DNAH8: variants seen among roughly 807,000 people sequenced by gnomAD.
DNAH8 encodes the protein dynein axonemal heavy chain 8.
A neutral mutation model predicts 562.1 loss-of-function variants in DNAH8; 382 were observed. The observed-to-expected ratio is 0.68, with a 90% CI of 0.63 to 0.74. The LOEUF is 0.74. DNAH8 is among the 30% of genes least tolerant of loss of function. The probability of loss-of-function intolerance (pLI) is 0.00; values close to 1 mark genes in which losing one functional copy is unlikely to be tolerated. For missense variants in DNAH8, 5,203 were observed against 5,620.4 expected (o/e 0.93, Z 2.37); for synonymous variants, 1,881 against 1,919.4 (o/e 0.98, Z 0.52).
chr6:38,720,148 T>C (rs966487591), intron 1 of DNAH8, among the ~76,000 whole-genome samples: 1 of 152,128 alleles, frequency 6.6e-6, no homozygotes, highest in African/African-American at 2.4e-5. Context: ...AAAAGTGAGA[T>C]TGAAGTGGAC....
intron 24 of DNAH8, among the ~76,000 whole-genome samples, chr6:38,808,376 A>G (rs1374229155): frequency 1.3e-5 from 2 of 152,186 alleles, no homozygotes; most frequent in African/African-American, 2.4e-5. Context: ...TCTTGCCAAC[A>G]TACAGGGTGT....
At chr6:38,799,594 A>G (rs909917388) in intron 21 of DNAH8, among the ~76,000 whole-genome samples, 15 of 152,144 alleles carry the variant, frequency 9.9e-5, no homozygotes, top group African/African-American at 3.6e-4. Flanking sequence ...ATTATTTTTT[A>G]GCAGCCTTAT....
At chr6:38,850,615 C>T (rs1339323519) in intron 38 of DNAH8, among the ~76,000 whole-genome samples, 1 of 152,196 alleles carries the variant, frequency 6.6e-6, no homozygotes, top group East Asian at 1.9e-4. Context: ...TTAGTTTCGT[C>T]AGGCTGCTAT....
chr6:38,829,302 T>C lies in DNAH8; in HGVS notation c.4188+1014T>C, dbSNP rs142970201. 8.4e-3 allele frequency among the ~76,000 whole-genome samples: 1,286 copies of C among 152,304 alleles called. 21 individuals are homozygous for C. Among genetic ancestry groups the C allele is most frequent in the African/African-American group, 0.029 (1,196 of 41,572 alleles). On this transcript the variant is annotated intron_variant, in intron 30 of 92. Transcript: ENST00000327475. ...GTGGGTTATCTTTTCGCTTTATTGATGGTGTCTTTTGATGCACAAAGTTTT... is the reference window on the plus strand; with the variant it reads ...GTGGGTTATCTTTTCGCTTTATTGACGGTGTCTTTTGATGCACAAAGTTTT...
chr6:38,867,215 G>A (rs1362002307), intron 47 of DNAH8, among the ~76,000 whole-genome samples: 1 of 142,084 alleles, frequency 7.0e-6, no homozygotes, highest in African/African-American at 2.6e-5. Flanking sequence ...AGTTATACAT[G>A]CACTGGTGTG....
At chr6:38,808,460 T>C (rs898436897) in intron 24 of DNAH8, among the ~76,000 whole-genome samples, 3 of 152,226 alleles carry the variant, frequency 2.0e-5, no homozygotes, top group African/African-American at 7.2e-5. Flanking sequence ...TTTCTTGTGT[T>C]TATGGGCCAT....
intron 8 of DNAH8, 90 bp from the exon 9 acceptor site, chr6:38,750,386 A>G (rs1765333216): frequency 5.7e-6 from 4 of 697,886 alleles, no homozygotes; most frequent in African/African-American, 1.8e-5. Flanking sequence ...TAGTATATGT[A>G]TGATTAGGGA....
rs1778975004 is a variant in DNAH8 at position 38,886,981 on chromosome 6, A to G, written c.8450A>G (p.Asn2817Ser). 1.9e-6 allele frequency: 3 copies of G among 1,612,626 alleles called. No individual in the cohort carries two copies. The highest frequency in any genetic ancestry group is 1.1e-5 in the South Asian group (1 of 91,030). Residue 2817 changes from asparagine (N) to serine (S), a missense_variant, in exon 57 of 93, where the codon AAT becomes AGT. Coordinates refer to ENST00000327475, the MANE Select transcript of DNAH8 (RefSeq NM_001206927.2). ...GTGTTTAATTGTACATTGCCTTCAA[A>G]TGCTTCAATAGACAAAATTTTTGGT... ...FTVFNCTLPS[N>S]ASIDKIFGII...
In DNAH8 at chr6:38,853,217, T is replaced by G. The variant is rs201264105; in HGVS notation, c.5603T>G (p.Val1868Gly). Residue 1868 changes from valine (V) to glycine (G), a missense_variant, in exon 41 of 93, where the codon GTG (valine) becomes GGG (glycine). Val to Gly is a moderately radical substitution (Grantham distance 109). This residue lies in a region of DNAH8 where 2,176 missense variants were observed against 2,365.1 expected (regional missense o/e 0.92). Transcript: ENST00000327475. Reference sequence around the variant, plus strand: ...AATTCTGTTATGGCCAAAGGTCCTGTGGAGATTTGGCTACTGGATTTGTTA... The same window carrying G: ...AATTCTGTTATGGCCAAAGGTCCTGGGGAGATTTGGCTACTGGATTTGTTA... ...LDNSVMAKGP[V>G]EIWLLDLLKM... The G allele has an allele frequency of 2.3e-4, 374 of 1,611,794 alleles. No homozygotes were observed. The highest frequency in any genetic ancestry group is 3.1e-4 in the Non-Finnish European group (360 of 1,178,600).
intron 13 of DNAH8, 56 bp downstream of exon 13, chr6:38,776,007 A>G (rs1768027590): frequency 9.2e-7 from 1 of 1,085,370 alleles, no homozygotes. Context: ...CAGTAGTACT[A>G]TCTGGTACTT....
chr6:38,936,506 G>T (rs1433440207), intron 77 of DNAH8: 1 of 152,194 alleles, frequency 6.6e-6, no homozygotes, highest in African/African-American at 2.4e-5. Flanking sequence ...AGAAGTGAAT[G>T]AATACTTCAC....
Position 38,718,141 on chromosome 6 carries a change from T to G in DNAH8, c.-35+2726T>G, listed in dbSNP as rs147073899. Among the ~76,000 whole-genome samples, 388 of 152,316 alleles carry G rather than the reference T, an allele frequency of 2.5e-3. 5 individuals are homozygous for G. The East Asian group carries it at 0.029, about 11-fold the overall frequency. The stretch of plus-strand genomic sequence containing the variant: ...ACAGAACAATTAGTGGGCCCTTCAT[T>G]AAGGGACATCTTGGTTGTTTCCAAG... On this transcript the variant is annotated intron_variant, in intron 1 of 92. Transcript: ENST00000327475.
chr6:38,999,417 G>A (rs1161763162), intron 88 of DNAH8, among the ~76,000 whole-genome samples: 1 of 150,494 alleles, frequency 6.6e-6, no homozygotes, highest in Admixed American at 6.6e-5. Flanking sequence ...TTTTTTTGTA[G>A]CTAGAACAGG....
At chr6:38,915,825 C>T (rs1049523243) in intron 68 of DNAH8, among the ~76,000 whole-genome samples, 2 of 147,026 alleles carry the variant, frequency 1.4e-5, no homozygotes, top group Non-Finnish European at 3.0e-5. Context: ...CATTCAACCT[C>T]TATATATAAT....
chr6:38,981,025 G>A (rs141828930), intron 85 of DNAH8, among the ~76,000 whole-genome samples: 107 of 113,192 alleles, frequency 9.5e-4, no homozygotes, highest in African/African-American at 3.8e-3. Context: ...TTGTGAAAAC[G>A]GCAGTGTGTG....
At chr6:38,717,537 C>T (rs115407934) in intron 1 of DNAH8, among the ~76,000 whole-genome samples, 4,637 of 151,308 alleles carry the variant, frequency 0.031, 235 homozygotes, top group African/African-American at 0.1. Context: ...GTTGCCCAGG[C>T]TAGTCTCAAA....
At chr6:38,822,439 G>A (rs1159358365) in intron 26 of DNAH8, 1 of 155,992 alleles carries the variant, frequency 6.4e-6, no homozygotes, top group Admixed American at 6.4e-5. Flanking sequence ...TATCCACGAA[G>A]ACTAAATACT....
intron 88 of DNAH8, among the ~76,000 whole-genome samples, chr6:39,001,841 C>T (rs187271669): frequency 4.6e-5 from 7 of 152,136 alleles, no homozygotes; most frequent in East Asian, 1.9e-4. Context: ...ATGGCAGTGC[C>T]GCACACAGAG....
At position 38,815,458 on chromosome 6, in the gene DNAH8, C is replaced by T. The variant is rs1562880890; in HGVS notation, c.3334-10C>T. ...CGGCAGTATTACACATTTGTTTCTT[C>T]TTTCCACAGGTGATGATTCCTAGTT... On this transcript the variant is annotated splice_polypyrimidine_tract_variant and intron_variant, in intron 25 of 92. Coordinates refer to ENST00000327475, the MANE Select transcript of DNAH8 (RefSeq NM_001206927.2). The T allele has an allele frequency of 6.2e-7, 1 of 1,607,976 alleles. No individual in the cohort carries two copies. Among genetic ancestry groups the T allele is most frequent in the Non-Finnish European group, 8.5e-7 (1 of 1,175,064 alleles).
Sources: gnomAD v4.1 joint callset for allele counts (sites outside exome capture counted in the v4.1 genomes callset) on GRCh38, gnomAD v4.1.1 for gene constraint, gnomAD v4.1.1 regional missense constraint, MANE v1.5 for transcripts, NCBI Gene and HGNC (gene_info 2026-07-23, HGNC 2026-07-21) for gene names.